The following ST6GALNAC3 variants were observed in gnomAD, a reference collection of about 807,000 sequenced individuals.
ST6GALNAC3 encodes the protein ST6 N-acetylgalactosaminide alpha-2,6-sialyltransferase 3.
ST6GALNAC3 carries 25 observed loss-of-function variants against 32.7 expected under a neutral mutation model. That is an observed-to-expected ratio of 0.76 (90% CI 0.56 to 1.07). The LOEUF is 1.07. ST6GALNAC3 is among the 50% of genes least tolerant of loss of function. The probability of loss-of-function intolerance (pLI) is 0.00; values close to 1 mark genes in which losing one functional copy is unlikely to be tolerated. For missense variants in ST6GALNAC3, 355 were observed against 382.4 expected, an observed-to-expected ratio of 0.93 and a Z score of 0.60; for synonymous variants, 129 against 133.1, an observed-to-expected ratio of 0.97 and a Z score of 0.21.
intron 2 of ST6GALNAC3, among the ~76,000 whole-genome samples, chr1:76,348,736 G>C (rs1648722446): frequency 6.6e-6 from 1 of 152,042 alleles, no homozygotes; most frequent in South Asian, 2.1e-4. Context: ...ATTCATTCAT[G>C]CATGCATGCC....
chr1:76,344,023 G>A (rs958753342), intron 2 of ST6GALNAC3, among the ~76,000 whole-genome samples: 4 of 152,180 alleles, frequency 2.6e-5, no homozygotes, highest in African/African-American at 9.6e-5. Flanking sequence ...CTGGGCTCCT[G>A]GAATTCATAA....
At chr1:76,130,945 G>A (rs1016352102) in intron 1 of ST6GALNAC3, among the ~76,000 whole-genome samples, 2 of 152,246 alleles carry the variant, frequency 1.3e-5, no homozygotes, top group Admixed American at 6.5e-5. Context: ...CTGGGCCATG[G>A]CTTGTTGAAT....
At chr1:76,283,221 T>C (rs1659597618) in intron 1 of ST6GALNAC3, among the ~76,000 whole-genome samples, 1 of 152,136 alleles carries the variant, frequency 6.6e-6, no homozygotes, top group African/African-American at 2.4e-5. Context: ...TATTATTATT[T>C]GTTGATGTTA....
At chr1:76,436,586 C>A (rs532357149) in intron 3 of ST6GALNAC3, among the ~76,000 whole-genome samples, 1 of 152,152 alleles carries the variant, frequency 6.6e-6, no homozygotes, top group South Asian at 2.1e-4. Flanking sequence ...AGATTTTAAC[C>A]AAAAACATAA....
chr1:76,122,217 G>A (rs987230353), intron 1 of ST6GALNAC3, among the ~76,000 whole-genome samples: 1 of 152,206 alleles, frequency 6.6e-6, no homozygotes, highest in Admixed American at 6.5e-5. Context: ...CATAGTAAGA[G>A]CTCAATGAGT....
chr1:76,618,530 A>G (rs1394280823), intron 3 of ST6GALNAC3, among the ~76,000 whole-genome samples: 1 of 152,224 alleles, frequency 6.6e-6, no homozygotes, highest in Admixed American at 6.5e-5. Flanking sequence ...TCAATCGAAA[A>G]ATATTAGCTT....
intron 2 of ST6GALNAC3, among the ~76,000 whole-genome samples, chr1:76,359,414 A>T (rs1649748505): frequency 6.6e-6 from 1 of 152,206 alleles, no homozygotes; most frequent in Non-Finnish European, 1.5e-5. Flanking sequence ...CCTTATTTTT[A>T]AAAATATCAT....
At chr1:76,427,695 A>G (rs752479772) in intron 3 of ST6GALNAC3, among the ~76,000 whole-genome samples, 38 of 150,998 alleles carry the variant, frequency 2.5e-4, no homozygotes, top group Middle Eastern at 3.4e-3. Flanking sequence ...TAGTTCATTA[A>G]TTTCTGCCAC....
chr1:76,485,142 T>C (rs897012370), intron 3 of ST6GALNAC3, among the ~76,000 whole-genome samples: 28 of 152,274 alleles, frequency 1.8e-4, no homozygotes, highest in African/African-American at 6.7e-4. Flanking sequence ...TACTGAGGAT[T>C]TTTGCATCGA....
intron 1 of ST6GALNAC3, among the ~76,000 whole-genome samples, chr1:76,160,929 T>A (rs413350): frequency 0.14 from 21,278 of 152,248 alleles, 1,739 homozygotes; most frequent in Non-Finnish European, 0.19. Context: ...AGATGAAAAA[T>A]TTATTTTAAA....
chr1:76,277,631 C>G (rs957799610), intron 1 of ST6GALNAC3, among the ~76,000 whole-genome samples: 2 of 141,812 alleles, frequency 1.4e-5, no homozygotes, highest in Admixed American at 1.5e-4. Flanking sequence ...CACACACACA[C>G]ACACATTTCT....
intron 3 of ST6GALNAC3, among the ~76,000 whole-genome samples, chr1:76,484,892 TC>T (rs1157239105): frequency 1.4e-4 from 21 of 152,214 alleles, no homozygotes; most frequent in Non-Finnish European, 5.9e-5. Context: ...TTGAGATACA[TC>T]CCATCAATAC....
At chr1:76,303,200 G>A (rs971122212) in intron 1 of ST6GALNAC3, among the ~76,000 whole-genome samples, 2 of 151,986 alleles carry the variant, frequency 1.3e-5, no homozygotes, top group African/African-American at 4.8e-5. Context: ...CTGATTGGTT[G>A]CAGACAGCAG....
chr1:76,163,205 AGTT>A (rs573945045), intron 1 of ST6GALNAC3, among the ~76,000 whole-genome samples: 320 of 152,324 alleles, frequency 2.1e-3, no homozygotes, highest in Non-Finnish European at 3.6e-3. Flanking sequence ...ATCAACACTT[AGTT>A]ATATGATTTT....
intron 1 of ST6GALNAC3, among the ~76,000 whole-genome samples, chr1:76,271,715 T>C (rs756344747): frequency 2.0e-5 from 3 of 152,182 alleles, no homozygotes; most frequent in Non-Finnish European, 4.4e-5. Flanking sequence ...ATTTATGCTT[T>C]AGAAAGACTA....
intron 1 of ST6GALNAC3, among the ~76,000 whole-genome samples, chr1:76,312,920 C>T (rs1646794458): frequency 6.6e-6 from 1 of 152,178 alleles, no homozygotes; most frequent in Admixed American, 6.5e-5. Context: ...TCAATTAAAA[C>T]ACATGCATTT....
At chr1:76,325,814 C>A (rs2100938791) in intron 2 of ST6GALNAC3, among the ~76,000 whole-genome samples, 1 of 149,992 alleles carries the variant, frequency 6.7e-6, no homozygotes, top group Non-Finnish European at 1.5e-5. Flanking sequence ...TATATTTGGT[C>A]TTTTTGTGCT....
chr1:76,104,459 G>C (rs565022878), intron 1 of ST6GALNAC3, among the ~76,000 whole-genome samples: 49 of 152,204 alleles, frequency 3.2e-4, no homozygotes, highest in Non-Finnish European at 5.6e-4. Context: ...CAAAACAAAT[G>C]ATACACCTGG....
intron 3 of ST6GALNAC3, among the ~76,000 whole-genome samples, chr1:76,617,358 A>G (rs1648364328): frequency 1.3e-5 from 2 of 150,546 alleles, no homozygotes; most frequent in East Asian, 1.9e-4. Flanking sequence ...ACCTGTTACA[A>G]TCTTTTTTTT....
Sources: gnomAD v4.1 joint callset for allele counts (sites outside exome capture counted in the v4.1 genomes callset) on GRCh38, gnomAD v4.1.1 for gene constraint, MANE v1.5 for transcripts, NCBI Gene and HGNC (gene_info 2026-07-23, HGNC 2026-07-21) for gene names.